Variants in STAT5A observed in about 807,000 individuals in gnomAD.
STAT5A encodes signal transducer and activator of transcription 5A, also known as epididymis secretory sperm binding protein.
A neutral mutation model predicts 100.2 loss-of-function variants in STAT5A; 26 were observed. That is an observed-to-expected ratio of 0.26 (90% confidence interval 0.19 to 0.36). The LOEUF is 0.36. Ranked by LOEUF, STAT5A falls within the 10% of genes least tolerant of loss-of-function variation. The pLI is 1.00. For synonymous variants in STAT5A, 330 were observed against 424.3 expected, an observed-to-expected ratio of 0.78 and a Z score of 2.73; for missense variants, 634 against 1,027.5, an observed-to-expected ratio of 0.62 and a Z score of 5.24.
chr17:42,306,979 C>T (rs1239027332), intron 13 of STAT5A, among the ~76,000 whole-genome samples: 1 of 152,078 alleles, frequency 6.6e-6, no homozygotes, highest in Non-Finnish European at 1.5e-5. Flanking sequence ...CTCGGCCTCC[C>T]AAAGTGCTGG....
At chr17:42,290,758 G>A (rs1034188911) in intron 3 of STAT5A, among the ~76,000 whole-genome samples, 3 of 152,154 alleles carry the variant, frequency 2.0e-5, no homozygotes, top group Admixed American at 6.5e-5. Context: ...ACTTGGTTGC[G>A]TCTGGACGAG....
Position 42,300,844 on chromosome 17 carries a change from G to A in STAT5A, c.963G>A (p.Thr321=), listed in dbSNP as rs760808299. The stretch of plus-strand genomic sequence containing the variant: ...TGGCCGAGGTCAACGCCACCATCAC[G>A]GACATTATCTCAGCCCTGGTGACCA... ...EMLAEVNATI[T]DIISALVTST... is the part of the protein sequence containing the mutation. The change falls in exon 8 of 19, where the codon ACG becomes ACA. Residue 321 remains threonine (T), a synonymous_variant. Coordinates refer to ENST00000590949, the MANE Select transcript of STAT5A (RefSeq NM_001288718.2). The A allele has an allele frequency of 3.1e-6, 5 of 1,612,324 alleles. No individual in the cohort carries two copies. The highest frequency in any genetic ancestry group is 1.3e-5 in the African/African-American group (1 of 74,920).
intron 11 of STAT5A, among the ~76,000 whole-genome samples, 179 bp from the exon 12 acceptor site, chr17:42,305,431 G>A (rs2081018916): frequency 6.6e-6 from 1 of 152,136 alleles, no homozygotes; most frequent in Admixed American, 6.5e-5. Context: ...GAACCCGGGA[G>A]GCAGAGGTTG....
chr17:42,293,114 GC>G (rs1269790738), intron 4 of STAT5A, among the ~76,000 whole-genome samples: 1 of 152,220 alleles, frequency 6.6e-6, no homozygotes, highest in Non-Finnish European at 1.5e-5. Context: ...CTGCAATAGA[GC>G]AAAATGAATT....
chr17:42,289,061 C>T (rs2080842406), intron 1 of STAT5A, among the ~76,000 whole-genome samples: 1 of 152,226 alleles, frequency 6.6e-6, no homozygotes, highest in Admixed American at 6.5e-5. Context: ...TTGCAGCCCT[C>T]TCCAGGGGGC....
intron 4 of STAT5A, among the ~76,000 whole-genome samples, chr17:42,292,480 C>A (rs1342606066): frequency 2.0e-4 from 30 of 151,810 alleles, no homozygotes; most frequent in Admixed American, 2.0e-3. Flanking sequence ...AGGCGCCCAC[C>A]ACCATGCCCG....
rs760459010 is a variant in STAT5A at position 42,308,412 on chromosome 17, C to A, written c.2062+79C>A. ...CCATAGACAAAGCCTTGGGCTGCGCCGTGGGGACTTCCCCAGGAGGAGCCT... is the reference window on the plus strand; with the variant it reads ...CCATAGACAAAGCCTTGGGCTGCGCAGTGGGGACTTCCCCAGGAGGAGCCT... On this transcript the variant is annotated intron_variant, in intron 16 of 18. Coordinates refer to ENST00000590949, the MANE Select transcript of STAT5A (RefSeq NM_001288718.2). This position sits in a 1 kb window ranked among gnomAD's most constrained non-coding sequence, Gnocchi z 4.6. 6.3e-7 allele frequency: 1 copy of A among 1,599,060 alleles called. No individual in the cohort carries two copies. Among genetic ancestry groups the A allele is most frequent in the South Asian group, 1.1e-5 (1 of 89,946 alleles).
rs1200730357 is a variant in STAT5A, at chr17:42,295,690, G to A, written c.447G>A (p.Glu149=). 6.2e-7 allele frequency: 1 copy of A among 1,613,952 alleles called. No individual in the cohort carries two copies. Among genetic ancestry groups the A allele is most frequent in the South Asian group, 1.1e-5 (1 of 91,018 alleles). Residue 149 remains glutamate (E), a synonymous_variant, in exon 5 of 19, where the codon GAG becomes GAA. Coordinates refer to ENST00000590949, the MANE Select transcript of STAT5A (RefSeq NM_001288718.2). Reference sequence around the variant, plus strand: ...ACCTTCAGATCAACCAGACATTTGAGGAGCTGCGACTGGTCACGCAGGACA... The same window carrying A: ...ACCTTCAGATCAACCAGACATTTGAAGAGCTGCGACTGGTCACGCAGGACA... ...QKHLQINQTF[E]ELRLVTQDTE...
rs1002515842 is a variant in STAT5A at position 42,308,424 on chromosome 17, C to T, written c.2062+91C>T. ...CCTTGGGCTGCGCCGTGGGGACTTC[C>T]CCAGGAGGAGCCTAGGGGCCATGTC... On this transcript the variant is annotated intron_variant, in intron 16 of 18. Coordinates refer to ENST00000590949, the MANE Select transcript of STAT5A (RefSeq NM_001288718.2). This position sits in a 1 kb window ranked among gnomAD's most constrained non-coding sequence, Gnocchi z 4.6. 41 of 1,580,278 alleles carry T rather than the reference C, an allele frequency of 2.6e-5. No homozygotes were observed. Among genetic ancestry groups the T allele is most frequent in the Non-Finnish European group, 3.4e-5 (39 of 1,158,896 alleles).
Position 42,300,792 on chromosome 17 carries a change from C to T in STAT5A, c.911C>T (p.Pro304Leu). Residue 304 changes from proline (P) to leucine (L), a missense_variant, in exon 8 of 19, where the codon CCC becomes CTC. By Grantham distance (98) the Pro-to-Leu change is moderately conservative. Around this residue, in one of 5 missense-constraint regions of STAT5A, gnomAD observed 98 missense variants for 149.7 expected, o/e 0.65. Coordinates refer to ENST00000590949, the MANE Select transcript of STAT5A (RefSeq NM_001288718.2). ...GCTGAGCACCTCTGCCAGCAGCTGC[C>T]CATCCCCGGCCCAGTGGAGGAGATG... ...RRAEHLCQQL[P>L]IPGPVEEMLA... is the part of the protein sequence containing the mutation. The T allele has an allele frequency of 6.2e-7, 1 of 1,612,550 alleles. No homozygotes were observed. Among genetic ancestry groups the T allele is most frequent in the Non-Finnish European group, 8.5e-7 (1 of 1,179,318 alleles).
At chr17:42,292,522 G>T (rs984193495) in intron 4 of STAT5A, among the ~76,000 whole-genome samples, 2 of 150,440 alleles carry the variant, frequency 1.3e-5, no homozygotes, top group African/African-American at 4.9e-5. Context: ...CAGAGATGGG[G>T]TTTCACTGTG....
Position 42,305,689 on chromosome 17 carries a change from C to T in STAT5A, c.1460C>T (p.Ala487Val), listed in dbSNP as rs2081021474. Residue 487 changes from alanine (A) to valine (V), a missense_variant, in exon 12 of 19, where the codon GCC becomes GTC. Ala to Val is a moderately conservative substitution (Grantham distance 64). Coordinates refer to ENST00000590949, the MANE Select transcript of STAT5A (RefSeq NM_001288718.2). Reference sequence around the variant, plus strand: ...ACGGCTACTGTGCTGTGGGACAATGCCTTTGCTGAGCCGGTGAGTCCCCGT... The same window carrying T: ...ACGGCTACTGTGCTGTGGGACAATGTCTTTGCTGAGCCGGTGAGTCCCCGT... ...NATATVLWDN[A>V]FAEPGRVPFA... 6.2e-7 allele frequency: 1 copy of T among 1,613,952 alleles called. No individual in the cohort carries two copies. The highest frequency in any genetic ancestry group is 8.5e-7 in the Non-Finnish European group (1 of 1,180,004).
chr17:42,309,139 C>A, intron 17 of STAT5A, 41 bp downstream of exon 17: 1 of 1,612,878 alleles, frequency 6.2e-7, no homozygotes, highest in Non-Finnish European at 8.5e-7. Flanking sequence ...CTGCCTCTTT[C>A]CTCCTCCCCC....
chr17:42,305,759 G>A, intron 12 of STAT5A, 57 bp downstream of exon 12: 1 of 1,577,304 alleles, frequency 6.3e-7, no homozygotes, highest in Non-Finnish European at 8.7e-7. Flanking sequence ...CTCACCTGGG[G>A]TCAGCCCCAC....
chr17:42,305,860 C>T (rs2081023669), intron 12 of STAT5A, among the ~76,000 whole-genome samples, 158 bp downstream of exon 12: 1 of 152,168 alleles, frequency 6.6e-6, no homozygotes, highest in African/African-American at 2.4e-5. Context: ...TGGGCGCCTG[C>T]CTTCCACCAT....
Position 42,310,772 on chromosome 17 carries a change from A to T in STAT5A, c.*103A>T, listed in dbSNP as rs2081073361. On this transcript the variant is annotated 3_prime_UTR_variant, in exon 19 of 19. Coordinates refer to ENST00000590949, the MANE Select transcript of STAT5A (RefSeq NM_001288718.2). ...TACACTGACACCTTTGCAGGCATGC[A>T]TGTGCTTGTGTGTGTGTGTGTGTGT... 2.0e-6 allele frequency: 3 copies of T among 1,530,504 alleles called. No individual in the cohort carries two copies. The East Asian group carries it at 7.0e-5, about 36-fold the overall frequency. 94.8% of individuals were successfully genotyped at this position (1,530,504 alleles called of 1,614,324 possible).
At chr17:42,306,196 C>T in intron 12 of STAT5A, 45 bp from the exon 13 acceptor site, 1 of 1,613,638 alleles carries the variant, frequency 6.2e-7, no homozygotes, top group East Asian at 2.2e-5. Context: ...TGAATATTTC[C>T]AACTCCCTCA....
rs1437902563 is a variant in STAT5A, at chr17:42,311,002, T to G, written c.*333T>G. 3.2e-6 allele frequency: 1 copy of G among 310,906 alleles called. No individual in the cohort carries two copies. The highest frequency in any genetic ancestry group is 4.1e-5 in the Admixed American group (1 of 24,544). 19.3% of individuals were successfully genotyped at this position (310,906 alleles called of 1,614,324 possible). On this transcript the variant is annotated 3_prime_UTR_variant, in exon 19 of 19. Transcript: ENST00000590949. Reference sequence around the variant, plus strand: ...GCCCCTCATCTGCTCAGCAGCTATTTGAATGAGATGATTCAGAAGGGGAGG... The same window carrying G: ...GCCCCTCATCTGCTCAGCAGCTATTGGAATGAGATGATTCAGAAGGGGAGG...
At position 42,308,473 on chromosome 17, in the gene STAT5A, G is replaced by A. The variant is rs2081050783; in HGVS notation, c.2062+140G>A. The A allele has an allele frequency of 1.7e-6, 2 of 1,165,040 alleles. No individual in the cohort carries two copies. The highest frequency in any genetic ancestry group is 2.4e-6 in the Non-Finnish European group (2 of 827,784). The allele number at this position is 1,165,040 out of a possible 1,614,324, so 72.2% of individuals were successfully genotyped here. ...TCCCCTGTGGGTTTTGGCCCATGGG[G>A]TGGTGGAGAGGATTTCAGGGCTCAC... On this transcript the variant is annotated intron_variant, in intron 16 of 18. Coordinates refer to ENST00000590949, the MANE Select transcript of STAT5A (RefSeq NM_001288718.2). The surrounding 1 kb of genome is among the most constrained non-coding windows in gnomAD (Gnocchi z 4.6).
Sources: gnomAD v4.1 joint callset for allele counts (sites outside exome capture counted in the v4.1 genomes callset) on GRCh38, gnomAD v4.1.1 for gene constraint, gnomAD v4.1.1 regional missense constraint, Gnocchi (gnomAD v3.1) non-coding constraint, MANE v1.5 for transcripts, NCBI Gene and HGNC (gene_info 2026-07-23, HGNC 2026-07-21) for gene names.